CFAP299: variants seen among roughly 807,000 people sequenced by gnomAD.
The protein encoded by CFAP299 is cilia- and flagella-associated protein 299.
CFAP299 carries 21 observed loss-of-function variants against 27.0 expected under a neutral mutation model. The ratio of observed to expected loss-of-function variants is 0.78; its 90% CI spans 0.55 to 1.12. The LOEUF is 1.12. Ranked by LOEUF, CFAP299 falls within the 50% of genes most tolerant of loss-of-function variation. The probability of loss-of-function intolerance (pLI) is 0.00; values close to 1 mark genes in which losing one functional copy is unlikely to be tolerated. For missense variants in CFAP299, 310 were observed against 276.6 expected (o/e 1.12, Z -0.86); for synonymous variants, 104 against 98.1 (o/e 1.06, Z -0.36).
chr4:80,478,298 G>A (rs1362273278), intron 2 of CFAP299, among the ~76,000 whole-genome samples: 1 of 151,940 alleles, frequency 6.6e-6, no homozygotes. Context: ...CATCATGCAT[G>A]TTTCTTCTTG....
intron 3 of CFAP299, among the ~76,000 whole-genome samples, chr4:80,790,796 G>A (rs1727518247): frequency 6.6e-6 from 1 of 151,926 alleles, no homozygotes; most frequent in Admixed American, 6.6e-5. Context: ...GAAGTTACCG[G>A]GGAGAATTGT....
chr4:80,449,665 A>T (rs1475624443), intron 2 of CFAP299, among the ~76,000 whole-genome samples: 1 of 151,654 alleles, frequency 6.6e-6, no homozygotes, highest in Non-Finnish European at 1.5e-5. Context: ...ATAATGAATA[A>T]TTTATTAATA....
intron 3 of CFAP299, among the ~76,000 whole-genome samples, chr4:80,800,423 TATATATA>T (rs1426764941): frequency 9.6e-5 from 6 of 62,614 alleles, no homozygotes; most frequent in Non-Finnish European, 1.6e-4. Flanking sequence ...ATTAATATAA[TATATATA>T]ATATATAATA....
intron 3 of CFAP299, among the ~76,000 whole-genome samples, chr4:80,686,542 T>C (rs1345490857): frequency 6.6e-6 from 1 of 152,226 alleles, no homozygotes; most frequent in Admixed American, 6.5e-5. Flanking sequence ...CTACTGAATA[T>C]AGAAATGCTG....
At chr4:80,940,383 C>T (rs1737131397) in intron 4 of CFAP299, among the ~76,000 whole-genome samples, 1 of 152,200 alleles carries the variant, frequency 6.6e-6, no homozygotes, top group African/African-American at 2.4e-5. Flanking sequence ...CTATCATTTT[C>T]CCCTATGGGA....
At chr4:80,487,728 CAT>C (rs989497393) in intron 2 of CFAP299, among the ~76,000 whole-genome samples, 11 of 152,126 alleles carry the variant, frequency 7.2e-5, no homozygotes, top group African/African-American at 2.7e-4. Context: ...AATCAATACT[CAT>C]ATGTTTTTCC....
intron 3 of CFAP299, among the ~76,000 whole-genome samples, chr4:80,773,829 T>A (rs1193051266): frequency 6.6e-6 from 1 of 152,002 alleles, no homozygotes; most frequent in African/African-American, 2.4e-5. Flanking sequence ...GTTATAAATT[T>A]TTTATAATAT....
intron 2 of CFAP299, among the ~76,000 whole-genome samples, chr4:80,389,249 C>A (rs564600726): frequency 1.3e-5 from 2 of 152,276 alleles, no homozygotes; most frequent in South Asian, 4.1e-4. Flanking sequence ...ATCTGCTAAT[C>A]ATTCCTACCT....
intron 4 of CFAP299, among the ~76,000 whole-genome samples, chr4:80,932,976 T>C (rs1736696826): frequency 6.6e-6 from 1 of 152,176 alleles, no homozygotes; most frequent in African/African-American, 2.4e-5. Context: ...CGATGATTAA[T>C]ATAACATCTT....
intron 3 of CFAP299, among the ~76,000 whole-genome samples, chr4:80,869,309 T>G (rs1560455721): frequency 6.6e-6 from 1 of 152,142 alleles, no homozygotes; most frequent in Non-Finnish European, 1.5e-5. Flanking sequence ...ATCTGTAGGA[T>G]ATATAACTAA....
intron 3 of CFAP299, among the ~76,000 whole-genome samples, chr4:80,798,669 C>T (rs1355941298): frequency 6.6e-6 from 1 of 152,088 alleles, no homozygotes; most frequent in African/African-American, 2.4e-5. Context: ...GGCTCAGTAT[C>T]TGCTTCTAAA....
chr4:80,710,547 C>T (rs1381517875), intron 3 of CFAP299, among the ~76,000 whole-genome samples: 1 of 142,048 alleles, frequency 7.0e-6, no homozygotes, highest in Non-Finnish European at 1.5e-5. Context: ...AGATTGATGG[C>T]CTGGGACAAA....
At chr4:80,379,412 A>G (rs919770274) in intron 2 of CFAP299, among the ~76,000 whole-genome samples, 4 of 151,508 alleles carry the variant, frequency 2.6e-5, no homozygotes, top group African/African-American at 9.7e-5. Flanking sequence ...TTCTGCTCTT[A>G]TTTTTATTAT....
chr4:80,664,387 A>G (rs1347925436), intron 3 of CFAP299, among the ~76,000 whole-genome samples: 2 of 152,176 alleles, frequency 1.3e-5, no homozygotes, highest in Admixed American at 6.5e-5. Flanking sequence ...GAGGATCTTT[A>G]TCTATAAGCC....
intron 3 of CFAP299, among the ~76,000 whole-genome samples, chr4:80,795,347 A>G (rs1727796249): frequency 6.6e-6 from 1 of 152,178 alleles, no homozygotes; most frequent in Non-Finnish European, 1.5e-5. Flanking sequence ...AAAGTACACA[A>G]CCAGGTGCAC....
At chr4:80,942,192 A>C (rs1166407879) in intron 4 of CFAP299, among the ~76,000 whole-genome samples, 3 of 152,164 alleles carry the variant, frequency 2.0e-5, no homozygotes, top group African/African-American at 7.2e-5. Flanking sequence ...CTACCAAGAA[A>C]AATTTGAAAA....
chr4:80,871,447 A>G, intron 4 of CFAP299: 1 of 985,424 alleles, frequency 1.0e-6, no homozygotes, highest in Non-Finnish European at 1.2e-6. Context: ...TTGCTGTGCT[A>G]ATAACTTATG....
chr4:80,505,219 A>G (rs986187086), intron 2 of CFAP299, among the ~76,000 whole-genome samples: 1 of 151,982 alleles, frequency 6.6e-6, no homozygotes, highest in African/African-American at 2.4e-5. Context: ...GCAGCAATAG[A>G]TTAGGTACTG....
At chr4:80,757,911 G>A (rs910935922) in intron 3 of CFAP299, among the ~76,000 whole-genome samples, 1 of 152,058 alleles carries the variant, frequency 6.6e-6, no homozygotes, top group Non-Finnish European at 1.5e-5. Flanking sequence ...TACCCCTTGC[G>A]GGAGGGGGAG....
Sources: gnomAD v4.1 joint callset for allele counts (sites outside exome capture counted in the v4.1 genomes callset) on GRCh38, gnomAD v4.1.1 for gene constraint, MANE v1.5 for transcripts, NCBI Gene and HGNC (gene_info 2026-07-23, HGNC 2026-07-21) for gene names.